MYL12B: variants seen among roughly 807,000 people sequenced by gnomAD.
The protein encoded by MYL12B is myosin regulatory light chain 12B.
A neutral mutation model predicts 12.9 loss-of-function variants in MYL12B; 3 were observed. The ratio of observed to expected loss-of-function variants is 0.23; its 90% CI spans 0.11 to 0.60. MYL12B has a LOEUF of 0.60. Among genes scored for constraint, MYL12B ranks in the 20% least tolerant of loss-of-function variants. The pLI, the probability that MYL12B is intolerant of heterozygous loss-of-function variation, is 0.89. For missense variants in MYL12B, 120 were observed against 215.4 expected (o/e 0.56, Z 2.77); for synonymous variants, 57 against 71.9 (o/e 0.79, Z 1.05).
rs1317886064 is a variant in MYL12B at position 3,277,948 on chromosome 18, G to A, written c.*11G>A. On this transcript the variant is annotated 3_prime_UTR_variant, in exon 4 of 4. Coordinates refer to ENST00000237500, the MANE Select transcript of MYL12B (RefSeq NM_033546.4). Reference sequence around the variant, plus strand: ...GACAAAGATGACTGAAAGAACTTTAGCTAAAATCTTCCAGTTACATTGTCT... The same window carrying A: ...GACAAAGATGACTGAAAGAACTTTAACTAAAATCTTCCAGTTACATTGTCT... 1 of 1,612,078 alleles carries A rather than the reference G, an allele frequency of 6.2e-7. No homozygotes were observed. Among genetic ancestry groups the A allele is most frequent in the South Asian group, 1.1e-5 (1 of 90,710 alleles).
chr18:3,268,620 G>A lies in MYL12B; in HGVS notation c.-15-4264G>A, dbSNP rs548009102. ...TAGATTGACTTGATTTGAAAACTCAGTTTGTCTAGGATTTGAATTTAGAGG... is the reference window on the plus strand; with the variant it reads ...TAGATTGACTTGATTTGAAAACTCAATTTGTCTAGGATTTGAATTTAGAGG... On this transcript the variant is annotated intron_variant, in intron 1 of 3. Transcript: ENST00000237500. 5.9e-5 allele frequency among the ~76,000 whole-genome samples: 9 copies of A among 151,472 alleles called. No individual in the cohort carries two copies. In the South Asian group the frequency reaches 1.9e-3, roughly 32 times the overall value.
rs528203177 is a variant in MYL12B at position 3,274,065 on chromosome 18, T to C, written c.184+983T>C. On this transcript the variant is annotated intron_variant, in intron 2 of 3. Transcript: ENST00000237500. ...ATACATCTTTAGCTATATTCACTGA[T>C]TGTTAACATTTTGTAACTTTTCTTT... Among the ~76,000 whole-genome samples the C allele has an allele frequency of 1.5e-3, 225 of 152,314 alleles. 2 individuals are homozygous for C. The highest frequency in any genetic ancestry group is 0.01 in the Middle Eastern group (3 of 294).
intron 1 of MYL12B, among the ~76,000 whole-genome samples, chr18:3,266,668 T>C (rs2081637466): frequency 6.6e-6 from 1 of 152,218 alleles, no homozygotes; most frequent in East Asian, 1.9e-4. Context: ...AGGATGCTGG[T>C]CAAGTGATTC....
intron 1 of MYL12B, among the ~76,000 whole-genome samples, chr18:3,264,482 T>C (rs1203770227): frequency 2.6e-5 from 4 of 151,976 alleles, no homozygotes; most frequent in Non-Finnish European, 4.4e-5. Flanking sequence ...TGTGGGGGGA[T>C]CATTTGAAGC....
At chr18:3,262,302 C>CT (rs71159053) in intron 1 of MYL12B, 65 bp downstream of exon 1, 1 of 151,742 alleles carries the variant, frequency 6.6e-6, no homozygotes, top group Non-Finnish European at 1.5e-5. Context: ...CCCGCGCCCC[C>CT]TCCCGTCGCG....
At chr18:3,267,189 A>C (rs1202187214) in intron 1 of MYL12B, among the ~76,000 whole-genome samples, 1 of 152,152 alleles carries the variant, frequency 6.6e-6, no homozygotes, top group Non-Finnish European at 1.5e-5. Flanking sequence ...ACTTTTTTGA[A>C]ACTTCTGAGG....
intron 1 of MYL12B, among the ~76,000 whole-genome samples, chr18:3,267,028 A>G (rs973847648): frequency 2.0e-5 from 3 of 152,248 alleles, no homozygotes; most frequent in African/African-American, 7.2e-5. Context: ...AACTAGATGC[A>G]TAAACAGCCA....
intron 1 of MYL12B, among the ~76,000 whole-genome samples, chr18:3,271,643 A>G (rs1477853841): frequency 1.3e-5 from 2 of 152,124 alleles, no homozygotes; most frequent in Non-Finnish European, 2.9e-5. Context: ...GACTCACAGA[A>G]CTCACTGAAA....
chr18:3,270,458 A>G (rs1304939058), intron 1 of MYL12B, among the ~76,000 whole-genome samples: 3 of 152,090 alleles, frequency 2.0e-5, no homozygotes, highest in African/African-American at 7.2e-5. Context: ...CTTGGGTGTC[A>G]CCATCAGATG....
intron 1 of MYL12B, chr18:3,263,210 A>G (rs1446453010): frequency 6.6e-6 from 1 of 152,236 alleles, no homozygotes; most frequent in Admixed American, 6.5e-5. Context: ...AGCCATAGAG[A>G]GTAATTTTGG....
chr18:3,273,128 T>G, intron 2 of MYL12B, 46 bp downstream of exon 2: 1 of 1,508,932 alleles, frequency 6.6e-7, no homozygotes, highest in South Asian at 1.3e-5. Flanking sequence ...AATAATAATT[T>G]GTCTCTTTAT....
In MYL12B at chr18:3,273,035, A is replaced by G. The variant is rs1179562110; in HGVS notation, c.137A>G (p.Asp46Gly). The G allele has an allele frequency of 6.2e-7, 1 of 1,609,960 alleles. No individual in the cohort carries two copies. The highest frequency in any genetic ancestry group is 8.5e-7 in the Non-Finnish European group (1 of 1,177,656). Residue 46 changes from aspartate to glycine, a missense_variant, in exon 2 of 4, where the codon GAT (aspartate) becomes GGT (glycine). Physicochemically the swap from Asp to Gly is moderately conservative, Grantham distance 94 (BLOSUM62 -1). Transcript: ENST00000237500. The part of the protein sequence containing the change: ...EAFNMIDQNR[D>G]GFIDKEDLHD... ...TTCAACATGATTGATCAGAACAGAGATGGCTTCATCGACAAGGAAGATTTG... is the reference window on the plus strand; with the variant it reads ...TTCAACATGATTGATCAGAACAGAGGTGGCTTCATCGACAAGGAAGATTTG...
At position 3,264,791 on chromosome 18, in the gene MYL12B, TG is replaced by T. The variant is rs564625990; in HGVS notation, c.-16+2556del. Among the ~76,000 whole-genome samples the T allele has an allele frequency of 8.5e-4, 130 of 152,318 alleles. 3 individuals are homozygous for T. The South Asian group carries it at 0.027, about 31-fold the overall frequency. ...GAAGTTCAAAAACAAAACTAATCTATGGTGATAGAAATCTGAACAGTGGTTG... is the reference window on the plus strand; with the variant it reads ...GAAGTTCAAAAACAAAACTAATCTATGTGATAGAAATCTGAACAGTGGTTG... On this transcript the variant is annotated intron_variant, in intron 1 of 3. Coordinates refer to ENST00000237500, the MANE Select transcript of MYL12B (RefSeq NM_033546.4).
At chr18:3,273,140 A>G (rs1394801157) in intron 2 of MYL12B, 58 bp downstream of exon 2, 2 of 1,489,430 alleles carry the variant, frequency 1.3e-6, no homozygotes, top group Admixed American at 2.1e-5. Context: ...TCTCTTTATG[A>G]ATCTTTTTTT....
chr18:3,265,585 A>G (rs917244096), intron 1 of MYL12B, among the ~76,000 whole-genome samples: 2 of 152,180 alleles, frequency 1.3e-5, no homozygotes, highest in African/African-American at 4.8e-5. Flanking sequence ...CTAGCATTCT[A>G]CTGTGGCCCA....
intron 2 of MYL12B, among the ~76,000 whole-genome samples, chr18:3,275,189 A>G (rs182040954): frequency 2.5e-4 from 38 of 152,326 alleles, no homozygotes; most frequent in Non-Finnish European, 4.3e-4. Context: ...GGAAGACATT[A>G]TGTTAAGTGA....
intron 1 of MYL12B, chr18:3,272,224 A>C: frequency 1.1e-6 from 1 of 942,520 alleles, no homozygotes; most frequent in East Asian, 1.2e-4. Flanking sequence ...TTTGCATTGA[A>C]GTAGATATCA....
intron 1 of MYL12B, among the ~76,000 whole-genome samples, chr18:3,264,433 G>A: frequency 6.6e-6 from 1 of 152,206 alleles, no homozygotes; most frequent in East Asian, 1.9e-4. Flanking sequence ...GCCAGGCATG[G>A]TGGCTCATAC....
At chr18:3,263,517 A>C (rs955688326) in intron 1 of MYL12B, among the ~76,000 whole-genome samples, 8 of 152,182 alleles carry the variant, frequency 5.3e-5, no homozygotes, top group Non-Finnish European at 2.9e-5. Context: ...GGCTGACTCG[A>C]TGTTCGTTTA....
Sources: allele counts gnomAD v4.1 joint callset (sites outside exome capture counted in the v4.1 genomes callset), GRCh38; gene constraint gnomAD v4.1.1; transcripts MANE v1.5; gene names NCBI Gene and HGNC (gene_info 2026-07-23, HGNC 2026-07-21).